Variants in SPAG16 observed in about 807,000 individuals in gnomAD.
SPAG16 encodes the protein sperm-associated antigen 16 protein.
A neutral mutation model predicts 80.4 loss-of-function variants in SPAG16; 86 were observed. The observed-to-expected ratio is 1.07, with a 90% CI of 0.90 to 1.28. The LOEUF is 1.28. Among genes scored for constraint, SPAG16 ranks in the 50% most tolerant of loss-of-function variants. SPAG16 has a pLI of 0.00. For missense variants in SPAG16, 870 were observed against 765.3 expected (o/e 1.14, Z -1.61); for synonymous variants, 294 against 265.9 (o/e 1.11, Z -1.03).
At chr2:213,321,676 C>T (rs2063614416) in intron 5 of SPAG16, among the ~76,000 whole-genome samples, 1 of 152,058 alleles carries the variant, frequency 6.6e-6, no homozygotes, top group African/African-American at 2.4e-5. Context: ...CTGTTGTCAA[C>T]AGTGTCAATT....
chr2:213,307,984 C>T (rs2063023319), intron 3 of SPAG16, among the ~76,000 whole-genome samples: 1 of 152,110 alleles, frequency 6.6e-6, no homozygotes, highest in Admixed American at 6.6e-5. Context: ...TGTTGTATAA[C>T]CATTAACAGC....
chr2:213,906,089 T>C (rs2077420507), intron 11 of SPAG16, among the ~76,000 whole-genome samples: 1 of 152,124 alleles, frequency 6.6e-6, no homozygotes, highest in Admixed American at 6.5e-5. Context: ...TGCTTTGGCC[T>C]CTCATACTTC....
At chr2:214,236,422 C>T (rs998827318) in intron 15 of SPAG16, among the ~76,000 whole-genome samples, 3 of 152,132 alleles carry the variant, frequency 2.0e-5, no homozygotes, top group African/African-American at 4.8e-5. Flanking sequence ...GAGGCCTAGT[C>T]GGGTGGATCT....
intron 15 of SPAG16, among the ~76,000 whole-genome samples, chr2:214,222,577 A>G (rs544401720): frequency 6.6e-6 from 1 of 152,360 alleles, no homozygotes; most frequent in East Asian, 1.9e-4. Flanking sequence ...ACAGGATCAA[A>G]TAAATGGCTT....
chr2:213,942,188 C>A (rs1234957536), intron 12 of SPAG16, among the ~76,000 whole-genome samples: 2 of 152,144 alleles, frequency 1.3e-5, no homozygotes, highest in African/African-American at 2.4e-5. Flanking sequence ...AAACCTAATT[C>A]TCTGCCTGCT....
intron 15 of SPAG16, among the ~76,000 whole-genome samples, chr2:214,156,668 CA>C (rs1348928730): frequency 6.6e-6 from 1 of 152,046 alleles, no homozygotes; most frequent in Non-Finnish European, 1.5e-5. Context: ...CCCAGCTACT[CA>C]GGAGGCTGAG....
intron 10 of SPAG16, among the ~76,000 whole-genome samples, chr2:213,830,768 C>T (rs570857212): frequency 6.6e-6 from 1 of 152,146 alleles, no homozygotes; most frequent in African/African-American, 2.4e-5. Context: ...TTTCGAAGGC[C>T]CACTTTCAGT....
intron 15 of SPAG16, among the ~76,000 whole-genome samples, chr2:214,193,431 G>GTGT (rs777734652): frequency 0.057 from 4,884 of 85,158 alleles, 65 homozygotes; most frequent in Non-Finnish European, 0.11. Context: ...GTGTATGAGA[G>GTGT]AGAGAGAGAG....
In SPAG16 at chr2:213,997,160, T is replaced by C. The variant is rs11692125; in HGVS notation, c.1401-16791T>C. On this transcript the variant is annotated intron_variant, in intron 12 of 15. Coordinates refer to ENST00000331683, the MANE Select transcript of SPAG16 (RefSeq NM_024532.5). Reference sequence around the variant, plus strand: ...ATTTTCTTCCTTTGATAGCTTCACATAACCCACACTTTCCCTCCAAATATT... The same window carrying C: ...ATTTTCTTCCTTTGATAGCTTCACACAACCCACACTTTCCCTCCAAATATT... Among the ~76,000 whole-genome samples the C allele has an allele frequency of 9.5e-3, 1,446 of 152,294 alleles. 9 individuals are homozygous for C. The highest frequency in any genetic ancestry group is 0.015 in the Non-Finnish European group (1,041 of 68,020).
At chr2:213,712,295 A>G (rs1387454571) in intron 10 of SPAG16, among the ~76,000 whole-genome samples, 1 of 152,300 alleles carries the variant, frequency 6.6e-6, no homozygotes, top group East Asian at 1.9e-4. Context: ...GTTCACTGAA[A>G]CTGAGCTGAG....
At chr2:213,682,588 C>T (rs921360097) in intron 10 of SPAG16, among the ~76,000 whole-genome samples, 1 of 152,162 alleles carries the variant, frequency 6.6e-6, no homozygotes, top group Admixed American at 6.5e-5. Context: ...GAGCTTATCA[C>T]AAGCTCAGAA....
intron 15 of SPAG16, among the ~76,000 whole-genome samples, chr2:214,183,150 T>C (rs1006920196): frequency 4.6e-5 from 7 of 152,024 alleles, no homozygotes; most frequent in African/African-American, 1.7e-4. Flanking sequence ...TACTGCCCGC[T>C]TCCCTCACTT....
At chr2:214,062,010 C>T (rs2050285318) in intron 13 of SPAG16, among the ~76,000 whole-genome samples, 2 of 149,610 alleles carry the variant, frequency 1.3e-5, no homozygotes, top group Non-Finnish European at 3.0e-5. Flanking sequence ...CACACACACA[C>T]ACACACACAC....
chr2:214,353,947 G>A (rs1349069890), intron 15 of SPAG16, among the ~76,000 whole-genome samples: 5 of 152,068 alleles, frequency 3.3e-5, no homozygotes, highest in Non-Finnish European at 5.9e-5. Context: ...TGTCTTCACT[G>A]ATGTCAGTCT....
At chr2:213,654,393 G>A (rs1559347342) in intron 10 of SPAG16, among the ~76,000 whole-genome samples, 1 of 151,830 alleles carries the variant, frequency 6.6e-6, no homozygotes, top group Admixed American at 6.6e-5. Flanking sequence ...TTTAATGTTA[G>A]CATATTAGAA....
chr2:214,023,513 A>G (rs2047988342), intron 13 of SPAG16, among the ~76,000 whole-genome samples: 2 of 151,852 alleles, frequency 1.3e-5, no homozygotes, highest in Admixed American at 1.3e-4. Context: ...GTATAAGTAC[A>G]TAGGTTTTAA....
At chr2:213,844,434 T>G (rs894735541) in intron 10 of SPAG16, among the ~76,000 whole-genome samples, 8 of 152,162 alleles carry the variant, frequency 5.3e-5, no homozygotes, top group Admixed American at 5.2e-4. Context: ...GTTAAGCAAA[T>G]GATTAGGGAA....
chr2:214,033,096 T>C (rs976516113), intron 13 of SPAG16, among the ~76,000 whole-genome samples: 4 of 152,188 alleles, frequency 2.6e-5, no homozygotes, highest in African/African-American at 2.4e-5. Context: ...ACATGAAATA[T>C]TTTTGGTCAA....
chr2:213,534,990 C>T (rs959178171), intron 10 of SPAG16, among the ~76,000 whole-genome samples: 43 of 151,962 alleles, frequency 2.8e-4, no homozygotes, highest in African/African-American at 9.4e-4. Context: ...AAAGCAGGAC[C>T]GTGTAAAGAC....
Sources: gnomAD v4.1 joint callset for allele counts (sites outside exome capture counted in the v4.1 genomes callset) on GRCh38, gnomAD v4.1.1 for gene constraint, MANE v1.5 for transcripts, NCBI Gene and HGNC (gene_info 2026-07-23, HGNC 2026-07-21) for gene names.